EXT1: variants seen among roughly 807,000 people sequenced by gnomAD.
EXT1 encodes the protein exostosin-1.
EXT1 carries 20 observed loss-of-function variants against 82.5 expected under a neutral mutation model. That is an observed-to-expected ratio of 0.24 (90% confidence interval 0.17 to 0.35). The LOEUF (loss-of-function observed/expected upper bound fraction) is 0.35, where lower values mean the gene tolerates loss of function less well. Ranked by LOEUF, EXT1 falls within the 10% of genes least tolerant of loss-of-function variation. The pLI, the probability that EXT1 is intolerant of heterozygous loss-of-function variation, is 1.00. For synonymous variants in EXT1, 348 were observed against 350.8 expected, an observed-to-expected ratio of 0.99 and a Z score of 0.09; for missense variants, 757 against 936.5, an observed-to-expected ratio of 0.81 and a Z score of 2.50.
intron 1 of EXT1, among the ~76,000 whole-genome samples, chr8:117,942,706 G>A (rs962422623): frequency 2.0e-5 from 3 of 151,758 alleles, no homozygotes; most frequent in African/African-American, 4.8e-5. Flanking sequence ...AGCGAAATTC[G>A]GTCTCCAAAA....
At chr8:117,857,137 C>G (rs573931423) in intron 1 of EXT1, among the ~76,000 whole-genome samples, 1 of 152,288 alleles carries the variant, frequency 6.6e-6, no homozygotes, top group African/African-American at 2.4e-5. Flanking sequence ...AGAAAAATTT[C>G]TTTTAAAATA....
chr8:117,923,903 T>C (rs1813907019), intron 1 of EXT1, among the ~76,000 whole-genome samples: 1 of 152,070 alleles, frequency 6.6e-6, no homozygotes, highest in South Asian at 2.1e-4. Flanking sequence ...AATCAATTAG[T>C]GTTATGGGTC....
chr8:117,965,246 C>T (rs1197905086), intron 1 of EXT1, among the ~76,000 whole-genome samples: 2 of 151,812 alleles, frequency 1.3e-5, no homozygotes, highest in African/African-American at 4.8e-5. Flanking sequence ...TAGTCCTAAG[C>T]ACAGAGCAAT....
At chr8:118,083,044 C>T (rs984474413) in intron 1 of EXT1, among the ~76,000 whole-genome samples, 1 of 152,142 alleles carries the variant, frequency 6.6e-6, no homozygotes, top group Non-Finnish European at 1.5e-5. Flanking sequence ...TTTTACACCT[C>T]TTATAGTTGA....
chr8:117,918,893 A>C (rs1052775447), intron 1 of EXT1, among the ~76,000 whole-genome samples: 8 of 152,178 alleles, frequency 5.3e-5, no homozygotes, highest in African/African-American at 1.9e-4. Flanking sequence ...TGTTAGTCAC[A>C]CTGTTGGAGG....
intron 1 of EXT1, among the ~76,000 whole-genome samples, chr8:118,096,680 G>GAGGA (rs1563654953): frequency 1.2e-5 from 1 of 84,002 alleles, no homozygotes; most frequent in African/African-American, 6.4e-5. Context: ...GGAAGGGAGG[G>GAGGA]AGGGAGGGAG....
intron 1 of EXT1, among the ~76,000 whole-genome samples, chr8:117,999,673 C>T (rs1395731256): frequency 6.6e-6 from 1 of 152,170 alleles, no homozygotes; most frequent in Non-Finnish European, 1.5e-5. Context: ...GACTATCTCA[C>T]TGCAGGGGAG....
intron 1 of EXT1, among the ~76,000 whole-genome samples, chr8:118,004,565 C>G (rs1815736839): frequency 6.6e-6 from 1 of 152,188 alleles, no homozygotes; most frequent in Admixed American, 6.5e-5. Flanking sequence ...GCGCAGATGT[C>G]CCACTAAACT....
chr8:117,924,077 G>A (rs984012707), intron 1 of EXT1, among the ~76,000 whole-genome samples: 2 of 152,234 alleles, frequency 1.3e-5, no homozygotes, highest in Admixed American at 6.5e-5. Flanking sequence ...GAGCATGCTA[G>A]AACTGGAGAA....
At chr8:117,892,508 C>T (rs1813262365) in intron 1 of EXT1, among the ~76,000 whole-genome samples, 1 of 148,728 alleles carries the variant, frequency 6.7e-6, no homozygotes, top group Non-Finnish European at 1.5e-5. Context: ...CATCAAACTA[C>T]AGAACCCTGT....
chr8:117,821,803 GA>G (rs931793833), intron 5 of EXT1, among the ~76,000 whole-genome samples: 1 of 152,166 alleles, frequency 6.6e-6, no homozygotes, highest in African/African-American at 2.4e-5. Flanking sequence ...TTTCTAACAT[GA>G]GAGCAACTGG....
At chr8:118,026,927 T>A (rs762262662) in intron 1 of EXT1, among the ~76,000 whole-genome samples, 1 of 152,186 alleles carries the variant, frequency 6.6e-6, no homozygotes, top group Non-Finnish European at 1.5e-5. Context: ...TGCACAGCTA[T>A]AGGAATCTGA....
At chr8:117,995,876 T>G (rs1043790819) in intron 1 of EXT1, among the ~76,000 whole-genome samples, 3 of 152,180 alleles carry the variant, frequency 2.0e-5, no homozygotes, top group African/African-American at 7.2e-5. Context: ...CTAAGTAACC[T>G]GATGCCAAGT....
intron 1 of EXT1, among the ~76,000 whole-genome samples, chr8:117,878,716 T>C (rs953144409): frequency 9.9e-5 from 15 of 152,194 alleles, no homozygotes; most frequent in African/African-American, 2.9e-4. Flanking sequence ...CAATGCCCTT[T>C]CTTATTCTCA....
rs556089362 is a variant in EXT1, at chr8:117,931,891, T to C, written c.963-94690A>G. On this transcript the variant is annotated intron_variant, in intron 1 of 10. Transcript: ENST00000378204. ...AGATTTTTGATCACTTGAAATGTTC[T>C]GTTTGCAAGTCGAAGCAGTGAGTCT... 5.9e-5 allele frequency among the ~76,000 whole-genome samples: 9 copies of C among 152,346 alleles called. No homozygotes were observed. The East Asian group carries it at 1.5e-3, about 26-fold the overall frequency.
At chr8:117,899,853 T>G (rs1234951265) in intron 1 of EXT1, among the ~76,000 whole-genome samples, 1 of 152,234 alleles carries the variant, frequency 6.6e-6, no homozygotes, top group Non-Finnish European at 1.5e-5. Context: ...TTGAGCACTG[T>G]TTGCCACTGG....
chr8:118,067,546 A>G (rs964673828), intron 1 of EXT1, among the ~76,000 whole-genome samples: 1 of 152,214 alleles, frequency 6.6e-6, no homozygotes, highest in Non-Finnish European at 1.5e-5. Flanking sequence ...GCTTTAAACT[A>G]GACTATACAC....
chr8:118,054,060 A>T (rs1816758104), intron 1 of EXT1, among the ~76,000 whole-genome samples: 1 of 152,210 alleles, frequency 6.6e-6, no homozygotes, highest in South Asian at 2.1e-4. Context: ...GCTGTTAAAC[A>T]TCCTATAATG....
At chr8:118,035,377 C>T (rs1816400954) in intron 1 of EXT1, among the ~76,000 whole-genome samples, 1 of 152,060 alleles carries the variant, frequency 6.6e-6, no homozygotes, top group African/African-American at 2.4e-5. Flanking sequence ...TGGAATCTGC[C>T]ACAAATCCAA....
Sources: allele counts gnomAD v4.1 joint callset (sites outside exome capture counted in the v4.1 genomes callset), GRCh38; gene constraint gnomAD v4.1.1; transcripts MANE v1.5; gene names NCBI Gene and HGNC (gene_info 2026-07-23, HGNC 2026-07-21).